Variants in DLG2 observed in about 807,000 individuals in gnomAD.
DLG2 encodes disks large homolog 2.
Under a neutral mutation model 132.5 loss-of-function variants are expected in DLG2, and 45 were observed. The observed-to-expected ratio is 0.34, with a 90% confidence interval of 0.27 to 0.44. The LOEUF (loss-of-function observed/expected upper bound fraction) is 0.44. Among genes scored for constraint, DLG2 ranks in the 20% least tolerant of loss-of-function variants. The pLI, the probability that DLG2 is intolerant of heterozygous loss-of-function variation, is 1.00. For missense variants in DLG2, 1,045 were observed against 1,196.9 expected (o/e 0.87, Z 1.87); for synonymous variants, 424 against 419.6 (o/e 1.01, Z -0.13).
chr11:85,144,875 C>T lies in DLG2; in HGVS notation c.282+9681G>A, dbSNP rs540104281. On this transcript the variant is annotated intron_variant, in intron 5 of 27. Coordinates refer to ENST00000376104, the MANE Select transcript of DLG2 (RefSeq NM_001142699.3). ...TTTACACACCACAATTACAGTGTTG[C>T]AGTATTCTGTATTTGGCTGTGTATT... is the stretch of plus-strand genomic sequence containing the variant. Among the ~76,000 whole-genome samples, 27 of 152,072 alleles carry T rather than the reference C, an allele frequency of 1.8e-4. No homozygotes were observed. The East Asian group carries it at 4.4e-3, about 25-fold the overall frequency.
chr11:83,934,766 A>G (rs1423439305), intron 14 of DLG2, among the ~76,000 whole-genome samples: 1 of 152,186 alleles, frequency 6.6e-6, no homozygotes, highest in Non-Finnish European at 1.5e-5. Flanking sequence ...CTTCTCTAGA[A>G]TATTAGACCC....
At chr11:84,807,418 C>G (rs1396912140) in intron 6 of DLG2, among the ~76,000 whole-genome samples, 3 of 152,116 alleles carry the variant, frequency 2.0e-5, no homozygotes. Context: ...TGCACTCCAG[C>G]CTGGGCGACA....
Position 85,087,844 on chromosome 11 carries a change from C to CAAAAAAAAAAAAA in DLG2, c.357+23804_357+23816dup, listed in dbSNP as rs71465019. Reference sequence around the variant, plus strand: ...TGGGCGACAGAGCGAGACTCCGTCTCAAAAAAAAAAAAAAAAAAAAAAAAA... The same window carrying CAAAAAAAAAAAAA: ...TGGGCGACAGAGCGAGACTCCGTCTCAAAAAAAAAAAAAAAAAAAAAAAAAAAAAAAAAAAAAA... On this transcript the variant is annotated intron_variant, in intron 6 of 27. Coordinates refer to ENST00000376104, the MANE Select transcript of DLG2 (RefSeq NM_001142699.3). Among the ~76,000 whole-genome samples, 164 of 22,002 alleles carry CAAAAAAAAAAAAA rather than the reference C, an allele frequency of 7.5e-3. 6 individuals carry two copies. The highest frequency in any genetic ancestry group is 0.031 in the Middle Eastern group (1 of 32). The allele number at this position is 22,002 out of a possible 152,430, so 14.4% of individuals were successfully genotyped here.
intron 6 of DLG2, among the ~76,000 whole-genome samples, chr11:85,023,667 A>G (rs2060270629): frequency 6.6e-6 from 1 of 152,090 alleles, no homozygotes; most frequent in Non-Finnish European, 1.5e-5. Flanking sequence ...ATAGAAGTAT[A>G]TTGTACCTAT....
rs370931494 is a variant in DLG2 at position 84,578,282 on chromosome 11, G to A, written c.358-43551C>T. ...CTGCCTAGTGGAGCTGTGCAAAGAGGGCCACTGTGCTCCAGACCCCAGAAT... is the reference window on the plus strand; with the variant it reads ...CTGCCTAGTGGAGCTGTGCAAAGAGAGCCACTGTGCTCCAGACCCCAGAAT... On this transcript the variant is annotated intron_variant, in intron 6 of 27. Coordinates refer to ENST00000376104, the MANE Select transcript of DLG2 (RefSeq NM_001142699.3). Among the ~76,000 whole-genome samples, 33 of 152,154 alleles carry A rather than the reference G, an allele frequency of 2.2e-4. No individual in the cohort carries two copies. In the South Asian group the frequency reaches 6.0e-3, roughly 28 times the overall value.
chr11:84,623,033 A>G (rs2099616569), intron 6 of DLG2, among the ~76,000 whole-genome samples: 1 of 152,112 alleles, frequency 6.6e-6, no homozygotes, highest in African/African-American at 2.4e-5. Flanking sequence ...TAGCCTCTTA[A>G]CTTTGCATTC....
At chr11:83,856,237 A>G (rs2060518136) in intron 16 of DLG2, among the ~76,000 whole-genome samples, 1 of 152,088 alleles carries the variant, frequency 6.6e-6, no homozygotes, top group Non-Finnish European at 1.5e-5. Flanking sequence ...TCTATCATTG[A>G]TGGGCATTTA....
At chr11:84,130,283 C>T (rs961533401) in intron 9 of DLG2, among the ~76,000 whole-genome samples, 8 of 151,832 alleles carry the variant, frequency 5.3e-5, no homozygotes, top group Admixed American at 2.6e-4. Context: ...CATTTTTATT[C>T]TACATAGAAA....
At chr11:83,753,902 ATTTCATATATATT>A (rs2093531642) in intron 18 of DLG2, among the ~76,000 whole-genome samples, 1 of 91,804 alleles carries the variant, frequency 1.1e-5, no homozygotes, top group African/African-American at 4.4e-5. Context: ...TCATATATAT[ATTTCATATATATT>A]TCATATATAT....
At chr11:84,589,716 G>C (rs1162525814) in intron 6 of DLG2, among the ~76,000 whole-genome samples, 1 of 152,152 alleles carries the variant, frequency 6.6e-6, no homozygotes, top group East Asian at 1.9e-4. Context: ...TTTGCCAGAA[G>C]TTTTGAGGAC....
At chr11:83,733,954 C>T (rs1303789364) in intron 18 of DLG2, among the ~76,000 whole-genome samples, 1 of 138,500 alleles carries the variant, frequency 7.2e-6, no homozygotes, top group African/African-American at 2.6e-5. Flanking sequence ...CCAGTGTCTA[C>T]TATTCCACTC....
intron 21 of DLG2, among the ~76,000 whole-genome samples, chr11:83,508,714 A>G (rs912565207): frequency 2.0e-5 from 3 of 152,028 alleles, no homozygotes; most frequent in East Asian, 3.9e-4. Context: ...CAACACAAAT[A>G]CCTTTTTCTA....
chr11:84,848,631 C>T (rs143896499), intron 6 of DLG2, among the ~76,000 whole-genome samples: 40 of 152,276 alleles, frequency 2.6e-4, no homozygotes, highest in African/African-American at 9.1e-4. Flanking sequence ...AGAAAGATAA[C>T]TTGTGTCCCT....
At chr11:84,020,946 G>C (rs906925109) in intron 11 of DLG2, among the ~76,000 whole-genome samples, 3 of 152,304 alleles carry the variant, frequency 2.0e-5, no homozygotes, top group Middle Eastern at 3.4e-3. Flanking sequence ...CTAACACTAA[G>C]AGAGCTGGGC....
intron 5 of DLG2, among the ~76,000 whole-genome samples, chr11:85,139,420 G>T (rs887071029): frequency 2.6e-5 from 4 of 151,930 alleles, no homozygotes; most frequent in African/African-American, 2.4e-5. Flanking sequence ...GGTTTCTAAG[G>T]ATCTGATTTA....
At chr11:85,261,471 T>G (rs944145733) in intron 4 of DLG2, among the ~76,000 whole-genome samples, 3 of 151,992 alleles carry the variant, frequency 2.0e-5, no homozygotes, top group Admixed American at 1.3e-4. Flanking sequence ...CCTGCTGGCC[T>G]GCATCATAGA....
In DLG2 at chr11:84,084,225, T is replaced by C. The variant is rs182865242; in HGVS notation, c.749+14698A>G. On this transcript the variant is annotated intron_variant, in intron 10 of 27. Coordinates refer to ENST00000376104, the MANE Select transcript of DLG2 (RefSeq NM_001142699.3). ...TCATGAGGTAAGAAGGAGCTGGGGC[T>C]AGAAAACGAAATGCATAAACTGGGG... Among the ~76,000 whole-genome samples, 330 of 152,310 alleles carry C rather than the reference T, an allele frequency of 2.2e-3. 1 individual carries two copies. The highest frequency in any genetic ancestry group is 7.5e-3 in the African/African-American group (310 of 41,572).
At chr11:84,951,354 A>G (rs2050887212) in intron 6 of DLG2, among the ~76,000 whole-genome samples, 1 of 152,192 alleles carries the variant, frequency 6.6e-6, no homozygotes. Context: ...TTCACAATTG[A>G]GAGAGCATGC....
intron 3 of DLG2, among the ~76,000 whole-genome samples, chr11:85,316,767 A>G (rs1433482154): frequency 2.6e-5 from 4 of 151,938 alleles, no homozygotes; most frequent in Non-Finnish European, 5.9e-5. Flanking sequence ...CAGGTAAAAT[A>G]CAACTGGGTT....
Sources: allele counts gnomAD v4.1 joint callset (sites outside exome capture counted in the v4.1 genomes callset), GRCh38; gene constraint gnomAD v4.1.1; transcripts MANE v1.5; gene names NCBI Gene and HGNC (gene_info 2026-07-23, HGNC 2026-07-21).